Variants in TTC27 observed in about 807,000 individuals in gnomAD.
TTC27 encodes tetratricopeptide repeat protein 27.
Under a neutral mutation model 115.9 loss-of-function variants are expected in TTC27, and 79 were observed. The ratio of observed to expected loss-of-function variants is 0.68; its 90% CI spans 0.57 to 0.82. The LOEUF is 0.82. Ranked by LOEUF, TTC27 falls within the 40% of genes least tolerant of loss-of-function variation. The probability of loss-of-function intolerance (pLI) is 0.00; values close to 1 mark genes in which losing one functional copy is unlikely to be tolerated. For synonymous variants in TTC27, 401 were observed against 356.0 expected (o/e 1.13, Z -1.42); for missense variants, 1,054 against 993.1 (o/e 1.06, Z -0.82).
intron 10 of TTC27, among the ~76,000 whole-genome samples, chr2:32,728,849 T>G (rs1668199261): frequency 6.6e-6 from 1 of 152,250 alleles, no homozygotes; most frequent in Non-Finnish European, 1.5e-5. Flanking sequence ...GGCAATTTTC[T>G]TGGGCTTGGA....
intron 9 of TTC27, among the ~76,000 whole-genome samples, chr2:32,699,391 G>A (rs899628971): frequency 2.0e-5 from 3 of 152,190 alleles, no homozygotes; most frequent in African/African-American, 7.2e-5. Flanking sequence ...TGGGGGGCGT[G>A]GTGAAGACTC....
chr2:32,814,875 T>G (rs1163599054), intron 18 of TTC27, among the ~76,000 whole-genome samples: 1 of 152,172 alleles, frequency 6.6e-6, no homozygotes, highest in Non-Finnish European at 1.5e-5. Context: ...TCACCACACA[T>G]TTCTTACACC....
At chr2:32,639,626 G>A (rs867208663) in intron 3 of TTC27, among the ~76,000 whole-genome samples, 4 of 152,270 alleles carry the variant, frequency 2.6e-5, no homozygotes, top group South Asian at 2.1e-4. Context: ...GCTTTTCATT[G>A]AGATAATATT....
chr2:32,747,179 A>C (rs576133194), intron 12 of TTC27, among the ~76,000 whole-genome samples: 1 of 152,064 alleles, frequency 6.6e-6, no homozygotes, highest in African/African-American at 2.4e-5. Flanking sequence ...GGTGGGTGGG[A>C]GTTGGTGGAG....
chr2:32,702,014 A>AC (rs201450708), intron 9 of TTC27, among the ~76,000 whole-genome samples: 3,105 of 121,478 alleles, frequency 0.026, 54 homozygotes, highest in Middle Eastern at 0.037. Context: ...CTGTCTCAAA[A>AC]AAAAAAAAAA....
intron 14 of TTC27, among the ~76,000 whole-genome samples, chr2:32,781,934 A>G (rs1340283642): frequency 6.6e-6 from 1 of 152,160 alleles, no homozygotes; most frequent in African/African-American, 2.4e-5. Flanking sequence ...AAAAGTTACT[A>G]ATTTTGCCAA....
At chr2:32,677,776 T>C (rs1205228843) in intron 8 of TTC27, among the ~76,000 whole-genome samples, 4 of 152,188 alleles carry the variant, frequency 2.6e-5, no homozygotes, top group Admixed American at 2.6e-4. Flanking sequence ...AAAATGATCC[T>C]ACCAATAATG....
chr2:32,729,212 G>T (rs77588444), intron 10 of TTC27, among the ~76,000 whole-genome samples: 1 of 152,176 alleles, frequency 6.6e-6, no homozygotes, highest in Admixed American at 6.5e-5. Flanking sequence ...TTTTGAAAAC[G>T]TGTGCCATAC....
intron 3 of TTC27, among the ~76,000 whole-genome samples, chr2:32,638,862 T>A (rs1664525914): frequency 6.6e-6 from 1 of 152,088 alleles, no homozygotes; most frequent in Non-Finnish European, 1.5e-5. Context: ...ATACGGAGTC[T>A]TGCTCTGTCA....
intron 12 of TTC27, among the ~76,000 whole-genome samples, chr2:32,739,694 T>C (rs1364570210): frequency 6.6e-6 from 1 of 152,172 alleles, no homozygotes; most frequent in Non-Finnish European, 1.5e-5. Flanking sequence ...ATAAAAGACC[T>C]CCTTTACCTG....
At chr2:32,793,332 C>T (rs970110446) in intron 16 of TTC27, among the ~76,000 whole-genome samples, 2 of 152,120 alleles carry the variant, frequency 1.3e-5, no homozygotes, top group African/African-American at 4.8e-5. Flanking sequence ...GAAATTAAGG[C>T]ATTCCCAGAT....
At chr2:32,629,035 C>T (rs911318044) in intron 1 of TTC27, among the ~76,000 whole-genome samples, 3 of 151,958 alleles carry the variant, frequency 2.0e-5, no homozygotes, top group Admixed American at 6.6e-5. Context: ...GCTGGGATTA[C>T]AGGCCTGAGC....
chr2:32,653,873 A>G (rs1056499667), intron 5 of TTC27, among the ~76,000 whole-genome samples: 2 of 152,172 alleles, frequency 1.3e-5, no homozygotes, highest in African/African-American at 4.8e-5. Context: ...CTCCTGATTT[A>G]TTAAAATAAT....
intron 9 of TTC27, among the ~76,000 whole-genome samples, chr2:32,690,359 G>C (rs1035143758): frequency 1.3e-5 from 2 of 151,998 alleles, no homozygotes; most frequent in African/African-American, 2.4e-5. Context: ...AAAAATAAAG[G>C]CATAAAGCAT....
At chr2:32,657,349 C>G (rs1193707314) in intron 5 of TTC27, among the ~76,000 whole-genome samples, 1 of 142,076 alleles carries the variant, frequency 7.0e-6, no homozygotes, top group Non-Finnish European at 1.5e-5. Flanking sequence ...AAAACACTGT[C>G]TTTCTTTTTT....
rs765329640 is a variant in TTC27, at chr2:32,820,874, C to G, written c.2468C>G (p.Thr823Arg). 5.2e-6 allele frequency: 8 copies of G among 1,544,268 alleles called. No homozygotes were observed. In the South Asian group the frequency reaches 9.6e-5, roughly 19 times the overall value. ...EMSRELADDITAMDTLVTELQ... is the reference protein window; with the variant it reads ...EMSRELADDIRAMDTLVTELQ... Reference sequence around the variant, plus strand: ...TCCAGGGAATTAGCTGATGACATAACAGCTATGGACACCTTAGTGACAGAG... The same window carrying G: ...TCCAGGGAATTAGCTGATGACATAAGAGCTATGGACACCTTAGTGACAGAG... The change falls in exon 20 of 20, where the codon ACA becomes AGA. Residue 823 changes from threonine (T) to arginine (R), a missense_variant. Coordinates refer to ENST00000317907, the MANE Select transcript of TTC27 (RefSeq NM_017735.5).
intron 1 of TTC27, among the ~76,000 whole-genome samples, 185 bp from the exon 2 acceptor site, chr2:32,630,338 A>G (rs1036633827): frequency 3.3e-5 from 5 of 152,184 alleles, no homozygotes; most frequent in African/African-American, 1.2e-4. Context: ...TGCTAATTCT[A>G]GGAGAGAGAA....
At chr2:32,647,028 G>T (rs1036011754) in intron 4 of TTC27, among the ~76,000 whole-genome samples, 7 of 150,204 alleles carry the variant, frequency 4.7e-5, no homozygotes, top group African/African-American at 1.7e-4. Context: ...CCAACCTGGA[G>T]TACAGTGGTG....
chr2:32,793,877 T>A (rs1419164785), intron 16 of TTC27, among the ~76,000 whole-genome samples: 3 of 152,154 alleles, frequency 2.0e-5, no homozygotes, highest in African/African-American at 7.2e-5. Context: ...TTTAAGAGAC[T>A]AATACATTAA....
Sources: gnomAD v4.1 joint callset for allele counts (sites outside exome capture counted in the v4.1 genomes callset) on GRCh38, gnomAD v4.1.1 for gene constraint, MANE v1.5 for transcripts, NCBI Gene and HGNC (gene_info 2026-07-23, HGNC 2026-07-21) for gene names.